ARHGAP32: variants seen among roughly 807,000 people sequenced by gnomAD.
ARHGAP32 encodes Rho GTPase activating protein 32.
In ARHGAP32, 51 loss-of-function variants were observed where a neutral mutation model predicts 186.5. The observed-to-expected ratio is 0.27, with a 90% confidence interval of 0.22 to 0.35. The LOEUF (loss-of-function observed/expected upper bound fraction) is 0.35, where lower values mean the gene tolerates loss of function less well. ARHGAP32 is among the 10% of genes least tolerant of loss of function. The probability of loss-of-function intolerance (pLI) is 1.00; values close to 1 mark genes in which losing one functional copy is unlikely to be tolerated. For missense variants in ARHGAP32, 2,186 were observed against 2,623.5 expected, an observed-to-expected ratio of 0.83 and a Z score of 3.64; for synonymous variants, 950 against 964.3, an observed-to-expected ratio of 0.99 and a Z score of 0.27.
At chr11:129,239,650 ATCATCTCTAATGGACCCCC>A (rs371459119) in intron 1 of ARHGAP32, among the ~76,000 whole-genome samples, 7 of 151,882 alleles carry the variant, frequency 4.6e-5, no homozygotes, top group African/African-American at 1.7e-4. Flanking sequence ...TAGGGTTAGC[ATCATCTCTAATGGACCCCC>A]TCACTTCCCA....
chr11:129,194,757 A>C (rs1049435149), upstream of ARHGAP32, among the ~76,000 whole-genome samples: 2 of 152,174 alleles, frequency 1.3e-5, no homozygotes, highest in Non-Finnish European at 2.9e-5. Flanking sequence ...CCGTCTCAAA[A>C]AAAAAAGAAG....
At chr11:129,059,322 A>C (rs1940393516) in intron 10 of ARHGAP32, among the ~76,000 whole-genome samples, 1 of 152,132 alleles carries the variant, frequency 6.6e-6, no homozygotes, top group Non-Finnish European at 1.5e-5. Flanking sequence ...AAATTAAAGA[A>C]AACACTGCAT....
chr11:129,240,203 A>G (rs886870314), intron 1 of ARHGAP32, among the ~76,000 whole-genome samples: 16 of 152,062 alleles, frequency 1.1e-4, no homozygotes, highest in Non-Finnish European at 2.2e-4. Context: ...GACTAGACAT[A>G]TAAATTTCTT....
intron 11 of ARHGAP32, among the ~76,000 whole-genome samples, chr11:129,009,055 T>C (rs1419827647): frequency 2.0e-5 from 3 of 152,236 alleles, no homozygotes; most frequent in Non-Finnish European, 4.4e-5. Context: ...CTAATAAGTT[T>C]GGTTTGCAAC....
chr11:129,153,166 A>G (rs1049484921), intron 2 of ARHGAP32, among the ~76,000 whole-genome samples: 1 of 152,060 alleles, frequency 6.6e-6, no homozygotes, highest in Non-Finnish European at 1.5e-5. Context: ...AATTAGGAAT[A>G]TACCTAACCA....
chr11:129,144,035 T>C (rs191040464), intron 2 of ARHGAP32, among the ~76,000 whole-genome samples: 4 of 152,288 alleles, frequency 2.6e-5, no homozygotes, highest in Non-Finnish European at 5.9e-5. Context: ...GTTATATTAT[T>C]TTGAACAACA....
Position 128,970,656 on chromosome 11 carries a change from C to T in ARHGAP32, c.4557G>A (p.Gln1519=). The T allele has an allele frequency of 6.2e-7, 1 of 1,614,138 alleles. No individual in the cohort carries two copies. The highest frequency in any genetic ancestry group is 1.1e-5 in the South Asian group (1 of 91,078). The change falls in exon 23 of 23, where the codon CAG becomes CAA. Residue 1519 remains glutamine (Q), a synonymous_variant. Transcript: ENST00000682385. The surrounding 1 kb of genome is among the most constrained non-coding windows in gnomAD (Gnocchi z 5.8). Reference sequence around the variant, plus strand: ...ATTTATTGTGATGGGGAGGTACACTCTGGGGACGGTACTGGCAGTTTGGAG... The same window carrying T: ...ATTTATTGTGATGGGGAGGTACACTTTGGGGACGGTACTGGCAGTTTGGAG... ...NMTPNCQYRP[Q]SVPPHHNKLE... is the part of the protein sequence containing the mutation.
intron 6 of ARHGAP32, among the ~76,000 whole-genome samples, chr11:129,070,568 ATTTAAG>A (rs1391847135): frequency 6.6e-6 from 1 of 151,934 alleles, no homozygotes; most frequent in East Asian, 1.9e-4. Flanking sequence ...ACACATTTGT[ATTTAAG>A]TTTATGTTGC....
intron 10 of ARHGAP32, among the ~76,000 whole-genome samples, chr11:129,058,081 A>G (rs975945058): frequency 1.4e-4 from 22 of 152,058 alleles, no homozygotes; most frequent in Non-Finnish European, 1.3e-4. Context: ...GCAAATGAAC[A>G]CAGTACCTAA....
At chr11:129,077,726 A>G (rs1193096957) in intron 6 of ARHGAP32, among the ~76,000 whole-genome samples, 1 of 152,104 alleles carries the variant, frequency 6.6e-6, no homozygotes, top group Non-Finnish European at 1.5e-5. Flanking sequence ...GACAAAAGAC[A>G]TAATCCCTTG....
At chr11:129,158,890 A>G (rs1364468986) in intron 2 of ARHGAP32, among the ~76,000 whole-genome samples, 6 of 152,254 alleles carry the variant, frequency 3.9e-5, no homozygotes, top group Non-Finnish European at 8.8e-5. Flanking sequence ...AATAAAATTC[A>G]GGATTAAGAA....
chr11:129,013,268 TACTCTGAATGGCC>T lies in ARHGAP32; in HGVS notation c.1046-14813_1046-14801del, dbSNP rs1406033880. Among the ~76,000 whole-genome samples the T allele has an allele frequency of 4.6e-5, 7 of 152,342 alleles. No homozygotes were observed. The East Asian group carries it at 1.3e-3, about 29-fold the overall frequency. ...CTGACATACGTGCAGCTCTGGCTTC[TACTCTGAATGGCC>T]ACTTTGCATTGTCACCTTTCCACAA... On this transcript the variant is annotated intron_variant, in intron 11 of 22. Transcript: ENST00000682385.
intron 1 of ARHGAP32, among the ~76,000 whole-genome samples, chr11:129,278,162 A>C (rs1194616673): frequency 1.3e-5 from 2 of 152,236 alleles, no homozygotes; most frequent in African/African-American, 2.4e-5. Context: ...AAAGGTCTAA[A>C]TCTGTGCCAA....
At chr11:129,248,039 G>A (rs1317047381) in intron 1 of ARHGAP32, among the ~76,000 whole-genome samples, 4 of 152,048 alleles carry the variant, frequency 2.6e-5, no homozygotes, top group South Asian at 2.1e-4. Flanking sequence ...AGGGCCGGGC[G>A]TGGTGGCTCA....
chr11:129,063,888 C>T lies in ARHGAP32; in HGVS notation c.885+14G>A. ...GCAAGAACCAAATAACAAACAACCA[C>T]TTTAACTATTTACCTCTAAGGTCAG... On this transcript the variant is annotated intron_variant, in intron 9 of 22. Transcript: ENST00000682385. 6.3e-7 allele frequency: 1 copy of T among 1,596,076 alleles called. No homozygotes were observed. The highest frequency in any genetic ancestry group is 8.5e-7 in the Non-Finnish European group (1 of 1,173,696).
At chr11:129,268,505 T>C (rs1240464677) in intron 1 of ARHGAP32, among the ~76,000 whole-genome samples, 2 of 152,010 alleles carry the variant, frequency 1.3e-5, no homozygotes, top group Non-Finnish European at 2.9e-5. Context: ...GCAGATGGCA[T>C]ATTCCCTGGG....
chr11:129,097,426 T>A (rs1941764584), intron 5 of ARHGAP32, among the ~76,000 whole-genome samples: 1 of 151,964 alleles, frequency 6.6e-6, no homozygotes, highest in Admixed American at 6.5e-5. Context: ...GTGGAAAAAG[T>A]CAAGGAAACA....
At chr11:129,271,376 AAGG>A (rs1304900487) in intron 1 of ARHGAP32, among the ~76,000 whole-genome samples, 3 of 152,114 alleles carry the variant, frequency 2.0e-5, no homozygotes, top group Non-Finnish European at 4.4e-5. Flanking sequence ...AAAAGAAATC[AAGG>A]AGGAGGAAGA....
intron 15 of ARHGAP32, among the ~76,000 whole-genome samples, chr11:128,983,500 G>T (rs1422374868): frequency 7.3e-5 from 11 of 151,568 alleles, no homozygotes; most frequent in African/African-American, 1.2e-4. Flanking sequence ...GTTGTGGGGT[G>T]GGGGGAAGGG....
Sources: allele counts gnomAD v4.1 joint callset (sites outside exome capture counted in the v4.1 genomes callset), GRCh38; gene constraint gnomAD v4.1.1; non-coding constraint Gnocchi (gnomAD v3.1); transcripts MANE v1.5; gene names NCBI Gene and HGNC (gene_info 2026-07-23, HGNC 2026-07-21).